CAMTA1: variants seen among roughly 807,000 people sequenced by gnomAD.
CAMTA1 encodes calmodulin-binding transcription activator 1.
CAMTA1 carries 27 observed loss-of-function variants against 170.9 expected under a neutral mutation model. The observed-to-expected ratio is 0.16, with a 90% confidence interval of 0.12 to 0.22. CAMTA1 has a LOEUF of 0.22. Ranked by LOEUF, CAMTA1 falls within the 10% of genes least tolerant of loss-of-function variation. CAMTA1 has a pLI of 1.00. For synonymous variants in CAMTA1, 833 were observed against 891.5 expected, an observed-to-expected ratio of 0.93 and a Z score of 1.17; for missense variants, 1,619 against 2,217.2, an observed-to-expected ratio of 0.73 and a Z score of 5.42.
At chr1:7,544,311 C>G (rs2094658028) in intron 6 of CAMTA1, among the ~76,000 whole-genome samples, 1 of 152,188 alleles carries the variant, frequency 6.6e-6, no homozygotes, top group Admixed American at 6.5e-5. Flanking sequence ...GGCAACCGCC[C>G]CATGATTCAA....
chr1:7,262,859 G>A (rs959842286), intron 5 of CAMTA1, among the ~76,000 whole-genome samples: 2 of 152,224 alleles, frequency 1.3e-5, no homozygotes, highest in African/African-American at 4.8e-5. Context: ...GTCTGATGAA[G>A]GGTGGTTGCT....
chr1:7,367,638 C>A (rs2086077020), intron 5 of CAMTA1, among the ~76,000 whole-genome samples: 1 of 152,256 alleles, frequency 6.6e-6, no homozygotes, highest in African/African-American at 2.4e-5. Flanking sequence ...CCTGGTATTT[C>A]CTCTACTCCT....
chr1:6,792,432 G>A (rs780034793), intron 1 of CAMTA1, among the ~76,000 whole-genome samples: 62 of 151,412 alleles, frequency 4.1e-4, no homozygotes, highest in Non-Finnish European at 6.2e-4. Context: ...GCTTGTAGAA[G>A]GTCATGGGCC....
intron 3 of CAMTA1, among the ~76,000 whole-genome samples, chr1:6,865,138 C>T (rs142539196): frequency 6.6e-6 from 1 of 152,276 alleles, no homozygotes; most frequent in Non-Finnish European, 1.5e-5. Context: ...GAATGGAAAA[C>T]ACTCTTCATT....
At chr1:7,270,268 C>T (rs1468828818) in intron 5 of CAMTA1, among the ~76,000 whole-genome samples, 2 of 39,722 alleles carry the variant, frequency 5.0e-5, no homozygotes, top group African/African-American at 1.7e-4. Context: ...CACACACACA[C>T]ACACACATAT....
intron 6 of CAMTA1, among the ~76,000 whole-genome samples, chr1:7,601,134 G>T (rs1352438930): frequency 6.8e-6 from 1 of 146,746 alleles, no homozygotes; most frequent in Admixed American, 6.7e-5. Flanking sequence ...CCTCCCTCCC[G>T]GACGGGGCGG....
intron 4 of CAMTA1, among the ~76,000 whole-genome samples, chr1:7,120,577 C>T (rs1372033291): frequency 6.6e-6 from 1 of 152,206 alleles, no homozygotes; most frequent in East Asian, 1.9e-4. Context: ...CTTTGCCGTT[C>T]TGTTGGTGAG....
intron 3 of CAMTA1, among the ~76,000 whole-genome samples, chr1:6,833,192 G>A (rs1005828726): frequency 2.6e-5 from 4 of 152,298 alleles, no homozygotes; most frequent in African/African-American, 9.6e-5. Context: ...TGAATAAGAT[G>A]TTAAAGAACA....
At position 6,790,375 on chromosome 1, in the gene CAMTA1, A is replaced by T. The variant is rs111584670; in HGVS notation, c.45+4800A>T. The stretch of plus-strand genomic sequence containing the variant: ...CAGAGTGTGAGAGAGAGAGAGAGAG[A>T]GTGTGTGTGTGTGTGTGTGTGTGTG... On this transcript the variant is annotated intron_variant, in intron 1 of 22. Transcript: ENST00000303635. 7.6e-3 allele frequency among the ~76,000 whole-genome samples: 1,059 copies of T among 139,118 alleles called. 6 individuals are homozygous for T. The highest frequency in any genetic ancestry group is 0.025 in the Middle Eastern group (7 of 276). The allele number at this position is 139,118 out of a possible 152,430, so 91.3% of individuals were successfully genotyped here.
Position 7,663,719 on chromosome 1 carries a change from G to A in CAMTA1, c.1172G>A (p.Gly391Glu), listed in dbSNP as rs762445994. The A allele has an allele frequency of 3.7e-6, 6 of 1,613,892 alleles. No individual in the cohort carries two copies. In the Admixed American group the frequency reaches 1.0e-4, roughly 27 times the overall value. ...GGTATGGCGGTGGCCTCTGTGATGG[G>A]GAGCTTGTCCCAGAGCGCCACGGTG... is the stretch of plus-strand genomic sequence containing the variant. ...VSGMAVASVMGSLSQSATVFM... is the reference protein window; with the variant it reads ...VSGMAVASVMESLSQSATVFM... The change falls in exon 9 of 23, where the codon GGG (glycine) becomes GAG (glutamate). Residue 391 changes from glycine to glutamate, a missense_variant. Physicochemically the swap from Gly to Glu is moderately conservative, Grantham distance 98. Transcript: ENST00000303635.
intron 3 of CAMTA1, among the ~76,000 whole-genome samples, chr1:7,022,021 G>A (rs770658404): frequency 6.6e-6 from 1 of 152,188 alleles, no homozygotes; most frequent in Admixed American, 6.5e-5. Context: ...CCAAGGCCAC[G>A]CAGCTGGTCA....
rs923261038 is a variant in CAMTA1 at position 6,970,436 on chromosome 1, G to A, written c.235-120868G>A. On this transcript the variant is annotated intron_variant, in intron 3 of 22. Coordinates refer to ENST00000303635, the MANE Select transcript of CAMTA1 (RefSeq NM_015215.4). The surrounding 1 kb of genome is among the most constrained non-coding windows in gnomAD (Gnocchi z 4.4). ...GGGAGTGGGAGGCAGCAGAAGGAGT[G>A]GAGGCCGGTCCCAGACCAGCATCGG... Among the ~76,000 whole-genome samples the A allele has an allele frequency of 1.3e-5, 2 of 152,096 alleles. No individual in the cohort carries two copies. Among genetic ancestry groups the A allele is most frequent in the Non-Finnish European group, 2.9e-5 (2 of 68,012 alleles).
intron 5 of CAMTA1, among the ~76,000 whole-genome samples, chr1:7,303,598 A>T (rs1028634899): frequency 1.3e-5 from 2 of 152,188 alleles, no homozygotes; most frequent in Admixed American, 1.3e-4. Context: ...AGTATTACTG[A>T]GCAGCTGCTA....
intron 6 of CAMTA1, among the ~76,000 whole-genome samples, chr1:7,598,260 C>T (rs551317114): frequency 1.0e-3 from 155 of 152,234 alleles, no homozygotes; most frequent in African/African-American, 3.5e-3. Flanking sequence ...ACAAAGGACA[C>T]GAACTCATCA....
At chr1:7,077,687 T>TG (rs1159658995) in intron 3 of CAMTA1, among the ~76,000 whole-genome samples, 3 of 151,862 alleles carry the variant, frequency 2.0e-5, no homozygotes, top group Non-Finnish European at 4.4e-5. Context: ...GGGTTTGTGT[T>TG]GGGGGAAGGG....
intron 3 of CAMTA1, among the ~76,000 whole-genome samples, chr1:6,888,704 T>C (rs925281388): frequency 6.6e-6 from 1 of 152,274 alleles, no homozygotes; most frequent in African/African-American, 2.4e-5. Context: ...AGAAGTACTT[T>C]TGTTCCAGAT....
intron 11 of CAMTA1, among the ~76,000 whole-genome samples, chr1:7,725,399 G>A (rs1015834910): frequency 3.3e-5 from 5 of 152,254 alleles, no homozygotes; most frequent in Non-Finnish European, 5.9e-5. Context: ...CAGCAGTGCA[G>A]GTGGCTGGGT....
chr1:7,345,040 C>T (rs916568219), intron 5 of CAMTA1, among the ~76,000 whole-genome samples: 3 of 151,912 alleles, frequency 2.0e-5, no homozygotes, highest in African/African-American at 4.8e-5. Context: ...TGTGAGCCAC[C>T]GCGCCCAGCC....
intron 6 of CAMTA1, among the ~76,000 whole-genome samples, chr1:7,511,137 C>T (rs1345084818): frequency 6.9e-6 from 1 of 145,638 alleles, no homozygotes; most frequent in Non-Finnish European, 1.5e-5. Flanking sequence ...ACTGTGCCTA[C>T]GAGCATTTCC....
Sources: gnomAD v4.1 joint callset for allele counts (sites outside exome capture counted in the v4.1 genomes callset) on GRCh38, gnomAD v4.1.1 for gene constraint, Gnocchi (gnomAD v3.1) non-coding constraint, MANE v1.5 for transcripts, NCBI Gene and HGNC (gene_info 2026-07-23, HGNC 2026-07-21) for gene names.